Variants in PRKAR1B observed in about 807,000 individuals in gnomAD.
PRKAR1B encodes cAMP-dependent protein kinase type I-beta regulatory subunit.
PRKAR1B carries 22 observed loss-of-function variants against 46.5 expected under a neutral mutation model. The observed-to-expected ratio is 0.47, with a 90% confidence interval of 0.34 to 0.68. PRKAR1B has a LOEUF of 0.68. Among genes scored for constraint, PRKAR1B ranks in the 30% least tolerant of loss-of-function variants. The pLI, the probability that PRKAR1B is intolerant of heterozygous loss-of-function variation, is 0.01. For synonymous variants in PRKAR1B, 259 were observed against 217.7 expected (o/e 1.19, Z -1.67); for missense variants, 445 against 535.6 (o/e 0.83, Z 1.67).
Position 560,945 on chromosome 7 carries a change from C to T in PRKAR1B, c.892-9475G>A, listed in dbSNP as rs1309382873. Among the ~76,000 whole-genome samples, 1 of 152,202 alleles carries T rather than the reference C, an allele frequency of 6.6e-6. No individual in the cohort carries two copies. Among genetic ancestry groups the T allele is most frequent in the Non-Finnish European group, 1.5e-5 (1 of 68,042 alleles). The stretch of plus-strand genomic sequence containing the variant: ...ATTCAGGCTCACTCCAGTGCCTTTA[C>T]GTTTCCTGTGCACACATTTCCTGCC... On this transcript the variant is annotated intron_variant, in intron 9 of 10. Transcript: ENST00000537384. This position sits in a 1 kb window ranked among gnomAD's most constrained non-coding sequence, Gnocchi z 4.2.
intron 4 of PRKAR1B, among the ~76,000 whole-genome samples, chr7:671,710 C>A (rs1209326787): frequency 6.6e-6 from 1 of 152,134 alleles, no homozygotes; most frequent in Non-Finnish European, 1.5e-5. Flanking sequence ...TCTCCATTTT[C>A]CTGGCTACCC....
rs140227956 is a variant in PRKAR1B at position 550,231 on chromosome 7, C to T, written c.*199G>A. 14,798 of 583,956 alleles carry T rather than the reference C, an allele frequency of 0.025. 1,008 individuals are homozygous for T. Among genetic ancestry groups the T allele is most frequent in the African/African-American group, 0.18 (9,732 of 52,774 alleles). 36.2% of individuals were successfully genotyped at this position (583,956 alleles called of 1,614,324 possible). Reference sequence around the variant, plus strand: ...CCTTGATCTTGGGATGCATTTTGTCCGCTTGTCCTTTGATTTGGAAATGCA... The same window carrying T: ...CCTTGATCTTGGGATGCATTTTGTCTGCTTGTCCTTTGATTTGGAAATGCA... On this transcript the variant is annotated 3_prime_UTR_variant, in exon 11 of 11. Coordinates refer to ENST00000537384, the MANE Select transcript of PRKAR1B (RefSeq NM_001164760.2).
At position 555,387 on chromosome 7, in the gene PRKAR1B, G is replaced by A. The variant is rs149232475; in HGVS notation, c.892-3917C>T. On this transcript the variant is annotated intron_variant, in intron 9 of 10. Coordinates refer to ENST00000537384, the MANE Select transcript of PRKAR1B (RefSeq NM_001164760.2). ...CCGTGCTCGGTGGTCTCTGGAATCCGGTTCTAAGTGGTGGCATCTCCTAGA... is the reference window on the plus strand; with the variant it reads ...CCGTGCTCGGTGGTCTCTGGAATCCAGTTCTAAGTGGTGGCATCTCCTAGA... Among the ~76,000 whole-genome samples the A allele has an allele frequency of 5.2e-3, 786 of 152,224 alleles. 6 individuals carry two copies. The highest frequency in any genetic ancestry group is 0.018 in the African/African-American group (731 of 41,536).
At chr7:590,302 C>A (rs776222753) in intron 7 of PRKAR1B, among the ~76,000 whole-genome samples, 2 of 152,260 alleles carry the variant, frequency 1.3e-5, no homozygotes, top group Non-Finnish European at 2.9e-5. Context: ...AGGCACGCAC[C>A]GGTGAGGAGA....
At chr7:591,682 T>C (rs1780987361) in intron 7 of PRKAR1B, among the ~76,000 whole-genome samples, 1 of 151,878 alleles carries the variant, frequency 6.6e-6, no homozygotes, top group Non-Finnish European at 1.5e-5. Context: ...AGACTTCACC[T>C]CTATTAACAG....
intron 3 of PRKAR1B, among the ~76,000 whole-genome samples, chr7:680,281 T>C (rs942866182): frequency 2.0e-5 from 3 of 151,996 alleles, no homozygotes; most frequent in African/African-American, 7.3e-5. Context: ...CTTCCCTTCC[T>C]GAGCCTGTGA....
rs556399003 is a variant in PRKAR1B, at chr7:640,724, T to C, written c.441-33272A>G. Among the ~76,000 whole-genome samples the C allele has an allele frequency of 2.8e-4, 41 of 148,836 alleles. 1 individual carries two copies. The highest frequency in any genetic ancestry group is 9.4e-4 in the African/African-American group (38 of 40,248). On this transcript the variant is annotated intron_variant, in intron 4 of 10. Transcript: ENST00000537384. ...GTTGCAGTGAGCAGAGATCCCACCA[T>C]TGCACTCCAGCCTGGGCAACAAGAG...
intron 8 of PRKAR1B, among the ~76,000 whole-genome samples, chr7:583,457 TCACACACGTGCACTCACACCCACG>T (rs1309775111): frequency 2.1e-4 from 24 of 112,162 alleles, no homozygotes; most frequent in Admixed American, 2.0e-3. Flanking sequence ...TCACACCCAC[TCACACACGTGCACTCACACCCACG>T]CACACACGTG....
chr7:618,877 G>T (rs1341516846), intron 4 of PRKAR1B, among the ~76,000 whole-genome samples: 1 of 152,172 alleles, frequency 6.6e-6, no homozygotes, highest in Non-Finnish European at 1.5e-5. Flanking sequence ...TTTTCATGAT[G>T]TCCTTAATTA....
At chr7:712,735 A>C (rs1583454461) in intron 1 of PRKAR1B, 1 of 94,574 alleles carries the variant, frequency 1.1e-5, no homozygotes. Context: ...CCCTCCACTC[A>C]GACTCTGAGT....
chr7:718,130 G>A (rs1214408659), intron 1 of PRKAR1B, among the ~76,000 whole-genome samples: 4 of 151,856 alleles, frequency 2.6e-5, no homozygotes, highest in South Asian at 4.2e-4. Context: ...TTCCTCAGTC[G>A]AGCCTCAGAT....
chr7:712,232 C>T (rs1780681544), intron 1 of PRKAR1B, among the ~76,000 whole-genome samples: 1 of 150,778 alleles, frequency 6.6e-6, no homozygotes, highest in Non-Finnish European at 1.5e-5. Flanking sequence ...GCGCCCCCCG[C>T]CCCAAACCCG....
upstream of PRKAR1B, among the ~76,000 whole-genome samples, chr7:728,001 C>A (rs1303228722): frequency 6.6e-6 from 1 of 151,974 alleles, no homozygotes; most frequent in Non-Finnish European, 1.5e-5. Context: ...AGACTCTGCT[C>A]TGGTCATTTC....
chr7:728,565 G>A (rs969574472), upstream of PRKAR1B, among the ~76,000 whole-genome samples: 1 of 152,168 alleles, frequency 6.6e-6, no homozygotes, highest in African/African-American at 2.4e-5. Flanking sequence ...AAGAACCTTG[G>A]GCTGGATGGA....
intron 4 of PRKAR1B, among the ~76,000 whole-genome samples, chr7:618,959 A>C (rs1782973955): frequency 6.6e-6 from 1 of 152,180 alleles, no homozygotes; most frequent in African/African-American, 2.4e-5. Flanking sequence ...TTGTTTAAGA[A>C]AGTGTTTCCC....
At position 623,972 on chromosome 7, in the gene PRKAR1B, TC is replaced by T. The variant is rs374605080; in HGVS notation, c.441-16521del. Among the ~76,000 whole-genome samples, 661 of 152,270 alleles carry T rather than the reference TC, an allele frequency of 4.3e-3. 9 individuals are homozygous for T. The highest frequency in any genetic ancestry group is 0.015 in the African/African-American group (640 of 41,550). ...AATTCCTTCTGTACATTCTTGGGCTTCCAACCAGAATTGCTAGTCCATGCCA... is the reference window on the plus strand; with the variant it reads ...AATTCCTTCTGTACATTCTTGGGCTTCAACCAGAATTGCTAGTCCATGCCA... On this transcript the variant is annotated intron_variant, in intron 4 of 10. Transcript: ENST00000537384.
At chr7:707,735 T>C (rs775053486) in intron 2 of PRKAR1B, among the ~76,000 whole-genome samples, 1 of 152,138 alleles carries the variant, frequency 6.6e-6, no homozygotes, top group Non-Finnish European at 1.5e-5. Context: ...CATGTGAAGA[T>C]GAAGGCAGGA....
intron 1 of PRKAR1B, chr7:726,717 CA>C: frequency 2.4e-6 from 3 of 1,239,388 alleles, no homozygotes; most frequent in Non-Finnish European, 3.0e-6. Flanking sequence ...GCGACGCGGG[CA>C]AGATGGCGGC....
chr7:613,770 C>T (rs1365349754), intron 4 of PRKAR1B, among the ~76,000 whole-genome samples: 4 of 152,226 alleles, frequency 2.6e-5, no homozygotes, highest in Non-Finnish European at 4.4e-5. Flanking sequence ...CACTTCCTTC[C>T]TCCTCCCGCC....
Sources: allele counts gnomAD v4.1 joint callset (sites outside exome capture counted in the v4.1 genomes callset), GRCh38; gene constraint gnomAD v4.1.1; non-coding constraint Gnocchi (gnomAD v3.1); transcripts MANE v1.5; gene names NCBI Gene and HGNC (gene_info 2026-07-23, HGNC 2026-07-21).